The following DCAF7 variants were observed in gnomAD, a reference collection of about 807,000 sequenced individuals.
The protein encoded by DCAF7 is DDB1- and CUL4-associated factor 7.
In DCAF7, 4 loss-of-function variants were observed where a neutral mutation model predicts 41.2. The observed-to-expected ratio is 0.10, with a 90% CI of 0.05 to 0.22. The LOEUF is 0.22. DCAF7 is among the 10% of genes least tolerant of loss of function. DCAF7 has a pLI of 1.00. For synonymous variants in DCAF7, 143 were observed against 164.2 expected (o/e 0.87, Z 0.99); for missense variants, 131 against 443.2 (o/e 0.30, Z 6.32).
At chr17:63,569,901 C>T (rs960745009) in intron 1 of DCAF7, among the ~76,000 whole-genome samples, 15 of 152,018 alleles carry the variant, frequency 9.9e-5, no homozygotes, top group African/African-American at 3.1e-4. Flanking sequence ...TTTGTAGAGA[C>T]GGGCTTTCGC....
chr17:63,564,912 T>C (rs1400459128), intron 1 of DCAF7, among the ~76,000 whole-genome samples: 1 of 152,120 alleles, frequency 6.6e-6, no homozygotes, highest in Non-Finnish European at 1.5e-5. Flanking sequence ...GGAAATGTGG[T>C]GTTGGGGGAT....
intron 1 of DCAF7, among the ~76,000 whole-genome samples, chr17:63,559,335 A>G (rs372663622): frequency 0.3 from 31,807 of 106,126 alleles, 4,690 homozygotes; most frequent in African/African-American, 0.47. Context: ...ATATATATAC[A>G]TACATATATA....
intron 6 of DCAF7, among the ~76,000 whole-genome samples, chr17:63,587,901 G>A (rs1227734064): frequency 2.7e-5 from 4 of 149,984 alleles, no homozygotes; most frequent in African/African-American, 7.4e-5. Context: ...CAGGAGAATC[G>A]CTTGAACCTG....
At chr17:63,570,309 C>T (rs1040208771) in intron 1 of DCAF7, among the ~76,000 whole-genome samples, 2 of 151,956 alleles carry the variant, frequency 1.3e-5, no homozygotes, top group Non-Finnish European at 2.9e-5. Flanking sequence ...GAAAAATTAG[C>T]CAGGCGTGGT....
Position 63,581,869 on chromosome 17 carries a change from C to T in DCAF7, c.529-1633C>T, listed in dbSNP as rs545525654. Among the ~76,000 whole-genome samples the T allele has an allele frequency of 3.3e-5, 5 of 152,338 alleles. No homozygotes were observed. In the South Asian group the frequency reaches 1.0e-3, roughly 32 times the overall value. ...TTGTTTGGAAGGCTCTCATTGATAC[C>T]TGGCAGATCAGTGTAGAAGAGGGTT... On this transcript the variant is annotated intron_variant, in intron 4 of 6. Coordinates refer to ENST00000614556, the MANE Select transcript of DCAF7 (RefSeq NM_005828.5).
chr17:63,559,950 C>G (rs1278525511), intron 1 of DCAF7, among the ~76,000 whole-genome samples: 1 of 151,994 alleles, frequency 6.6e-6, no homozygotes, highest in Non-Finnish European at 1.5e-5. Flanking sequence ...AAACCAAAGT[C>G]AAAAGATAAG....
chr17:63,585,425 T>C, intron 6 of DCAF7, 97 bp downstream of exon 6: 1 of 1,114,202 alleles, frequency 9.0e-7, no homozygotes. Context: ...CTAAGCACAG[T>C]CTTGAGAGAT....
intron 1 of DCAF7, among the ~76,000 whole-genome samples, chr17:63,564,505 G>A (rs2033419895): frequency 6.6e-6 from 1 of 152,162 alleles, no homozygotes; most frequent in Non-Finnish European, 1.5e-5. Flanking sequence ...CTGCTCCCTG[G>A]TGAACTAAGT....
intron 6 of DCAF7, among the ~76,000 whole-genome samples, chr17:63,585,696 A>G (rs569835816): frequency 1.3e-5 from 2 of 152,276 alleles, no homozygotes; most frequent in African/African-American, 4.8e-5. Flanking sequence ...CAACATCTCC[A>G]TGGGACCTTT....
intron 6 of DCAF7, among the ~76,000 whole-genome samples, chr17:63,588,253 T>G (rs1456494918): frequency 6.7e-6 from 1 of 148,492 alleles, no homozygotes; most frequent in Non-Finnish European, 1.5e-5. Context: ...GGTGGTATGA[T>G]CTCGGCTCAC....
Position 63,592,813 on chromosome 17 carries a change from C to G in DCAF7, c.*3641C>G, listed in dbSNP as rs576053137. 3 of 152,394 alleles carry G rather than the reference C, an allele frequency of 2.0e-5. No individual in the cohort carries two copies. The East Asian group carries it at 5.8e-4, about 29-fold the overall frequency. The allele number at this position is 152,394 out of a possible 1,614,324, so 9.4% of individuals were successfully genotyped here. ...AAAAACCTACAGGCGTTTGGGGTCC[C>G]ATGATTGTTCCAGACCATGACTCTT... On this transcript the variant is annotated 3_prime_UTR_variant, in exon 7 of 7. Transcript: ENST00000614556.
intron 1 of DCAF7, among the ~76,000 whole-genome samples, chr17:63,551,988 G>T (rs2033262493): frequency 6.8e-6 from 1 of 146,054 alleles, no homozygotes; most frequent in African/African-American, 2.5e-5. Context: ...TGAGGCTGGA[G>T]AATTGCTTGA....
At position 63,588,979 on chromosome 17, in the gene DCAF7, G is replaced by A. The variant is rs748178841; in HGVS notation, c.857-21G>A. 4 of 1,594,028 alleles carry A rather than the reference G, an allele frequency of 2.5e-6. No individual in the cohort carries two copies. The East Asian group carries it at 6.8e-5, about 27-fold the overall frequency. ...CATTGCCTCACTTGTGACCTTGCTT[G>A]CTGGCTTTCTTTGTCCCTAGCGGAT... On this transcript the variant is annotated intron_variant, in intron 6 of 6. Coordinates refer to ENST00000614556, the MANE Select transcript of DCAF7 (RefSeq NM_005828.5).
rs1568094925 is a variant in DCAF7, at chr17:63,550,559, T to C, written c.-119T>C. The C allele has an allele frequency of 6.8e-7, 1 of 1,467,092 alleles. No homozygotes were observed. The highest frequency in any genetic ancestry group is 9.1e-7 in the Non-Finnish European group (1 of 1,100,634). 90.9% of individuals were successfully genotyped at this position (1,467,092 alleles called of 1,614,324 possible). ...TTGTCGCCGCATCCCCGCTTCCGGG[T>C]TAGGCCGTTCCTGCCCGCCCCCTCC... On this transcript the variant is annotated 5_prime_UTR_variant, in exon 1 of 7. Transcript: ENST00000614556. The surrounding 1 kb of genome is among the most constrained non-coding windows in gnomAD (Gnocchi z 4.8).
intron 1 of DCAF7, among the ~76,000 whole-genome samples, chr17:63,571,852 A>C (rs1270929204): frequency 6.6e-6 from 1 of 151,928 alleles, no homozygotes; most frequent in Non-Finnish European, 1.5e-5. Context: ...GCCTCACTTG[A>C]CACTTACTGA....
chr17:63,552,594 G>C (rs531948576), intron 1 of DCAF7: 2 of 152,312 alleles, frequency 1.3e-5, no homozygotes, highest in African/African-American at 4.8e-5. Context: ...ATTGTTTAAA[G>C]ATACACGTGG....
At chr17:63,566,231 C>T (rs963665948) in intron 1 of DCAF7, among the ~76,000 whole-genome samples, 7 of 151,946 alleles carry the variant, frequency 4.6e-5, no homozygotes, top group African/African-American at 7.3e-5. Flanking sequence ...ATTAGCCGGG[C>T]GTGGTGGTAG....
At chr17:63,552,388 A>G (rs2033267021) in intron 1 of DCAF7, 1 of 152,204 alleles carries the variant, frequency 6.6e-6, no homozygotes, top group Non-Finnish European at 1.5e-5. Flanking sequence ...GACATTACAC[A>G]TACATGAACA....
chr17:63,568,065 G>T (rs748030060), intron 1 of DCAF7, among the ~76,000 whole-genome samples: 2 of 152,088 alleles, frequency 1.3e-5, no homozygotes, highest in Non-Finnish European at 2.9e-5. Context: ...CTGTTGCCCA[G>T]GCTGGAGTGC....
Sources: gnomAD v4.1 joint callset for allele counts (sites outside exome capture counted in the v4.1 genomes callset) on GRCh38, gnomAD v4.1.1 for gene constraint, Gnocchi (gnomAD v3.1) non-coding constraint, MANE v1.5 for transcripts, NCBI Gene and HGNC (gene_info 2026-07-23, HGNC 2026-07-21) for gene names.